CRTC3: variants seen among roughly 807,000 people sequenced by gnomAD.
The protein encoded by CRTC3 is CREB-regulated transcription coactivator 3.
CRTC3 carries 26 observed loss-of-function variants against 74.5 expected under a neutral mutation model. The observed-to-expected ratio is 0.35, with a 90% CI of 0.26 to 0.48. The LOEUF is 0.48. CRTC3 is among the 20% of genes least tolerant of loss of function. The probability of loss-of-function intolerance (pLI) is 0.99; values close to 1 mark genes in which losing one functional copy is unlikely to be tolerated. For missense variants in CRTC3, 760 were observed against 787.3 expected (o/e 0.97, Z 0.41); for synonymous variants, 377 against 325.8 (o/e 1.16, Z -1.69).
intron 13 of CRTC3, 148 bp from the exon 14 acceptor site, chr15:90,640,948 CA>C (rs1969417159): frequency 1.6e-6 from 1 of 634,826 alleles, no homozygotes; most frequent in East Asian, 2.7e-5. Context: ...CATGCATTAC[CA>C]TAAGAGCAAA....
chr15:90,625,100 A>G (rs941695476), intron 9 of CRTC3: 26 of 152,848 alleles, frequency 1.7e-4, no homozygotes, highest in African/African-American at 6.3e-4. Flanking sequence ...AACAAAGTTC[A>G]TGTAAGGGTT....
intron 1 of CRTC3, among the ~76,000 whole-genome samples, chr15:90,533,039 C>T (rs552655112): frequency 2.1e-4 from 26 of 121,156 alleles, no homozygotes; most frequent in Admixed American, 3.2e-4. Flanking sequence ...GAGCCGGGAT[C>T]GCACCGCTGC....
chr15:90,530,237 C>CGCGGGCGGGG lies in CRTC3; in HGVS notation c.132+34_132+35insGCGGGCGGGG. The CGCGGGCGGGG allele has an allele frequency of 1.5e-6, 1 of 660,628 alleles. No homozygotes were observed. Among genetic ancestry groups the CGCGGGCGGGG allele is most frequent in the Non-Finnish European group, 1.8e-6 (1 of 556,208 alleles). The allele number at this position is 660,628 out of a possible 1,614,324, so 40.9% of individuals were successfully genotyped here. A position where few individuals can be genotyped will look rare whatever the true frequency, so the allele number is the denominator to read the frequency against. On this transcript the variant is annotated intron_variant, in intron 1 of 14. Transcript: ENST00000268184. The surrounding 1 kb of genome is among the most constrained non-coding windows in gnomAD (Gnocchi z 6.2). The stretch of plus-strand genomic sequence containing the variant: ...CCGGGCCGGCGCGGGCGGGGGCGGC[C>CGCGGGCGGGG]ACGGCCGCGGGCGGGACCCGCGCGG...
At chr15:90,587,295 T>G (rs908981804) in intron 2 of CRTC3, among the ~76,000 whole-genome samples, 7 of 152,206 alleles carry the variant, frequency 4.6e-5, no homozygotes, top group African/African-American at 1.7e-4. Context: ...TGGTACTGTC[T>G]GCCGTTAGCT....
At chr15:90,563,641 A>G (rs1266097216) in intron 2 of CRTC3, among the ~76,000 whole-genome samples, 1 of 152,172 alleles carries the variant, frequency 6.6e-6, no homozygotes, top group African/African-American at 2.4e-5. Flanking sequence ...TGTTAGAACC[A>G]CAATGGACTG....
At chr15:90,544,306 C>T (rs1256321412) in intron 2 of CRTC3, among the ~76,000 whole-genome samples, 1 of 152,192 alleles carries the variant, frequency 6.6e-6, no homozygotes, top group Admixed American at 6.5e-5. Context: ...TTATAAAGAA[C>T]TAGTCATTGG....
Position 90,643,950 on chromosome 15 carries a change from G to A in CRTC3, c.*1810G>A, listed in dbSNP as rs934430664. On this transcript the variant is annotated 3_prime_UTR_variant, in exon 15 of 15. Coordinates refer to ENST00000268184, the MANE Select transcript of CRTC3 (RefSeq NM_022769.5). ...TATGTAAAAGGAGTCGTGGTCACAA[G>A]ACCCTGGGCTGGTTAGCCTCTCCCG... 3.4e-5 allele frequency: 8 copies of A among 232,578 alleles called. No individual in the cohort carries two copies. Among genetic ancestry groups the A allele is most frequent in the Non-Finnish European group, 6.8e-5 (8 of 117,722 alleles). The allele number at this position is 232,578 out of a possible 1,614,324, so 14.4% of individuals were successfully genotyped here.
At chr15:90,590,129 A>G (rs999258521) in intron 2 of CRTC3, among the ~76,000 whole-genome samples, 68 of 151,832 alleles carry the variant, frequency 4.5e-4, no homozygotes, top group Admixed American at 9.8e-4. Flanking sequence ...CATCTCTACT[A>G]AAAATACAAA....
intron 2 of CRTC3, among the ~76,000 whole-genome samples, chr15:90,590,668 G>A (rs1319477592): frequency 6.6e-6 from 1 of 151,948 alleles, no homozygotes; most frequent in Non-Finnish European, 1.5e-5. Flanking sequence ...CCCAGACTTA[G>A]CTCCTTCAGT....
chr15:90,579,773 C>A (rs1306961686), intron 2 of CRTC3, among the ~76,000 whole-genome samples: 1 of 151,374 alleles, frequency 6.6e-6, no homozygotes, highest in Non-Finnish European at 1.5e-5. Context: ...TCCCCAGTAG[C>A]TGGGAGCACA....
chr15:90,536,482 C>A (rs1426322038), intron 1 of CRTC3, among the ~76,000 whole-genome samples: 3 of 122,758 alleles, frequency 2.4e-5, no homozygotes, highest in East Asian at 4.0e-4. Context: ...GCAACAGAGA[C>A]CCTGTCTCAA....
In CRTC3 at chr15:90,530,088, G is replaced by T. The variant is rs1240318786; in HGVS notation, c.17G>T (p.Gly6Val). Residue 6 changes from glycine to valine, a missense_variant, in exon 1 of 15, where the codon GGC (glycine) becomes GTC (valine). This residue lies in a region of CRTC3 where 108 missense variants were observed against 152.1 expected (regional missense o/e 0.71). Transcript: ENST00000268184. This position sits in a 1 kb window ranked among gnomAD's most constrained non-coding sequence, Gnocchi z 6.2. ...GTCCGCGCCATGGCCGCCTCGCCGG[G>T]CTCGGGCAGCGCCAACCCGCGGAAG... MAASP[G>V]SGSANPRKFS... 4.2e-6 allele frequency: 6 copies of T among 1,440,700 alleles called. No individual in the cohort carries two copies. In the Admixed American group the frequency reaches 1.2e-4, roughly 30 times the overall value. 89.2% of individuals were successfully genotyped at this position (1,440,700 alleles called of 1,614,324 possible). A position where few individuals can be genotyped will look rare whatever the true frequency, so the allele number is the denominator to read the frequency against.
In CRTC3 at chr15:90,642,102, C is replaced by T; in HGVS notation, c.1822C>T (p.Pro608Ser). 1 of 1,614,038 alleles carries T rather than the reference C, an allele frequency of 6.2e-7. No individual in the cohort carries two copies. ...LSDSSMGLLDPSVEETFRADR... is the reference protein window; with the variant it reads ...LSDSSMGLLDSSVEETFRADR... ...TGACTCCAGCATGGGCCTGCTGGAC[C>T]CCTCTGTTGAAGAGACGTTTCGAGC... The change falls in exon 15 of 15, where the codon CCC (proline) becomes TCC (serine). Residue 608 changes from proline to serine, a missense_variant. Transcript: ENST00000268184.
intron 2 of CRTC3, among the ~76,000 whole-genome samples, chr15:90,577,685 A>G: frequency 6.6e-6 from 1 of 152,226 alleles, no homozygotes; most frequent in East Asian, 1.9e-4. Context: ...ACAATGGAAT[A>G]TCATCCAGCC....
chr15:90,609,970 G>C (rs936589929), intron 6 of CRTC3, among the ~76,000 whole-genome samples: 1 of 152,164 alleles, frequency 6.6e-6, no homozygotes, highest in Non-Finnish European at 1.5e-5. Context: ...TGAACTGTGT[G>C]CCTGCTCCTG....
At chr15:90,578,923 C>G (rs577204997) in intron 2 of CRTC3, among the ~76,000 whole-genome samples, 1 of 152,150 alleles carries the variant, frequency 6.6e-6, no homozygotes, top group Non-Finnish European at 1.5e-5. Context: ...TGTAATCTGT[C>G]TGTTCTGTGT....
Position 90,629,230 on chromosome 15 carries a change from C to T in CRTC3, c.968-4C>T. On this transcript the variant is annotated splice_region_variant and splice_polypyrimidine_tract_variant and intron_variant, in intron 10 of 14. Transcript: ENST00000268184. ...AAGTAACTTGTGAATTTGTTGTCTTCCAGGTCTCCAGAGTTCTCGGAGTAA... is the reference window on the plus strand; with the variant it reads ...AAGTAACTTGTGAATTTGTTGTCTTTCAGGTCTCCAGAGTTCTCGGAGTAA... 1 of 1,606,502 alleles carries T rather than the reference C, an allele frequency of 6.2e-7. No individual in the cohort carries two copies. Among genetic ancestry groups the T allele is most frequent in the Non-Finnish European group, 8.5e-7 (1 of 1,174,378 alleles).
chr15:90,536,431 G>T (rs1470337295), intron 1 of CRTC3, among the ~76,000 whole-genome samples: 5 of 150,602 alleles, frequency 3.3e-5, no homozygotes, highest in African/African-American at 1.2e-4. Flanking sequence ...GGAGGTGGAG[G>T]TTGCAGTGAG....
In CRTC3 at chr15:90,642,687, C is replaced by G. The variant is rs146223486; in HGVS notation, c.*547C>G. 2 of 232,436 alleles carry G rather than the reference C, an allele frequency of 8.6e-6. No homozygotes were observed. The highest frequency in any genetic ancestry group is 1.7e-5 in the Non-Finnish European group (2 of 117,502). 14.4% of individuals were successfully genotyped at this position (232,436 alleles called of 1,614,324 possible). On this transcript the variant is annotated 3_prime_UTR_variant, in exon 15 of 15. Transcript: ENST00000268184. ...GCTCTCTCCCACGCCTGGATTACGACATGAAGTTTTTACCACAAGCCCGAG... is the reference window on the plus strand; with the variant it reads ...GCTCTCTCCCACGCCTGGATTACGAGATGAAGTTTTTACCACAAGCCCGAG...
Sources: allele counts gnomAD v4.1 joint callset (sites outside exome capture counted in the v4.1 genomes callset), GRCh38; gene constraint gnomAD v4.1.1; regional missense constraint gnomAD v4.1.1; non-coding constraint Gnocchi (gnomAD v3.1); transcripts MANE v1.5; gene names NCBI Gene and HGNC (gene_info 2026-07-23, HGNC 2026-07-21).